Variants in CTNNA1 observed in about 807,000 individuals in gnomAD.
CTNNA1 encodes catenin alpha 1.
Under a neutral mutation model 98.4 loss-of-function variants are expected in CTNNA1, and 37 were observed. The observed-to-expected ratio is 0.38, with a 90% CI of 0.29 to 0.49. The LOEUF is 0.49. CTNNA1 is among the 20% of genes least tolerant of loss of function. CTNNA1 has a pLI of 0.95. For missense variants in CTNNA1, 761 were observed against 1,147.2 expected (o/e 0.66, Z 4.86); for synonymous variants, 404 against 413.2 (o/e 0.98, Z 0.27).
intron 3 of CTNNA1, among the ~76,000 whole-genome samples, chr5:138,788,305 T>G (rs700629): frequency 0.64 from 97,637 of 152,034 alleles, 32,222 homozygotes; most frequent in East Asian, 0.89. Flanking sequence ...GATAATTGAT[T>G]ATTCTCCGAG....
At chr5:138,779,275 C>T (rs1038079707) in intron 1 of CTNNA1, among the ~76,000 whole-genome samples, 1 of 152,112 alleles carries the variant, frequency 6.6e-6, no homozygotes, top group Non-Finnish European at 1.5e-5. Context: ...TAATTCTATT[C>T]TAGATTCATG....
At chr5:138,917,993 G>A in intron 11 of CTNNA1, 95 bp downstream of exon 11, 2 of 1,237,690 alleles carry the variant, frequency 1.6e-6, no homozygotes, top group Non-Finnish European at 2.3e-6. Flanking sequence ...TGTCTTGGCA[G>A]GTAAATTATT....
At chr5:138,863,814 G>A (rs778527191) in intron 7 of CTNNA1, among the ~76,000 whole-genome samples, 3 of 152,168 alleles carry the variant, frequency 2.0e-5, no homozygotes, top group Non-Finnish European at 4.4e-5. Context: ...AAGATGGTTT[G>A]GTAAGCAGGG....
At chr5:138,797,772 T>C (rs929016786) in intron 3 of CTNNA1, among the ~76,000 whole-genome samples, 2 of 152,150 alleles carry the variant, frequency 1.3e-5, no homozygotes, top group African/African-American at 4.8e-5. Context: ...GATGTGACAC[T>C]GTAAATGGGA....
At chr5:138,760,182 CG>C (rs1561494181) in intron 1 of CTNNA1, among the ~76,000 whole-genome samples, 1 of 150,078 alleles carries the variant, frequency 6.7e-6, no homozygotes, top group African/African-American at 2.5e-5. Context: ...TTAGTAGAGA[CG>C]GGGTTTCTCC....
intron 1 of CTNNA1, among the ~76,000 whole-genome samples, chr5:138,777,000 A>AC (rs1211926986): frequency 8.0e-5 from 4 of 50,206 alleles, no homozygotes; most frequent in African/African-American, 2.6e-4. Context: ...GCGGGGGCTG[A>AC]CCCCCCACCT....
At chr5:138,881,658 C>T (rs1752932101) in intron 7 of CTNNA1, among the ~76,000 whole-genome samples, 1 of 152,160 alleles carries the variant, frequency 6.6e-6, no homozygotes, top group African/African-American at 2.4e-5. Flanking sequence ...TTGAAGGTCC[C>T]TACTGTATGG....
intron 3 of CTNNA1, chr5:138,790,869 A>C (rs539515453): frequency 6.6e-6 from 1 of 152,204 alleles, no homozygotes; most frequent in African/African-American, 2.4e-5. Context: ...TTTTGTGACT[A>C]TCGTACCACT....
At chr5:138,805,651 A>G (rs936989148) in intron 3 of CTNNA1, among the ~76,000 whole-genome samples, 15 of 151,958 alleles carry the variant, frequency 9.9e-5, no homozygotes, top group Admixed American at 3.9e-4. Context: ...AGGTCTTGCT[A>G]TGTTGCCCAG....
chr5:138,918,409 T>G (rs1346232965), intron 11 of CTNNA1, among the ~76,000 whole-genome samples: 1 of 152,256 alleles, frequency 6.6e-6, no homozygotes, highest in East Asian at 1.9e-4. Context: ...GCCTCTCTTC[T>G]GTCTCTCAGA....
At chr5:138,849,812 C>G (rs1034722401) in intron 7 of CTNNA1, among the ~76,000 whole-genome samples, 1 of 152,034 alleles carries the variant, frequency 6.6e-6, no homozygotes, top group Non-Finnish European at 1.5e-5. Flanking sequence ...TTTCCTTATA[C>G]CTGATAAAAA....
chr5:138,930,814 T>C lies in CTNNA1; in HGVS notation c.2193-16T>C. 1 of 1,561,046 alleles carries C rather than the reference T, an allele frequency of 6.4e-7. No homozygotes were observed. Among genetic ancestry groups the C allele is most frequent in the South Asian group, 1.1e-5 (1 of 90,148 alleles). ...GCTTCACATACAATAATCCTTGTTC[T>C]CTTCCCTCTTCTCAGAGGTAAAGGA... On this transcript the variant is annotated splice_polypyrimidine_tract_variant and intron_variant, in intron 15 of 17. Coordinates refer to ENST00000302763, the MANE Select transcript of CTNNA1 (RefSeq NM_001903.5).
chr5:138,864,901 G>A (rs556011917), intron 7 of CTNNA1, among the ~76,000 whole-genome samples: 1 of 152,074 alleles, frequency 6.6e-6, no homozygotes, highest in Admixed American at 6.5e-5. Context: ...TACAACCTCC[G>A]CCTTCCAGGT....
intron 10 of CTNNA1, among the ~76,000 whole-genome samples, chr5:138,905,263 CT>C (rs1236692974): frequency 3.3e-5 from 5 of 152,092 alleles, no homozygotes; most frequent in African/African-American, 1.2e-4. Flanking sequence ...GCACTCCAGC[CT>C]TGGTGACAGA....
intron 11 of CTNNA1, among the ~76,000 whole-genome samples, chr5:138,918,195 A>C (rs181436890): frequency 6.7e-6 from 1 of 148,264 alleles, no homozygotes; most frequent in East Asian, 1.9e-4. Flanking sequence ...GCTTGTATAG[A>C]GTGAGGTCTT....
intron 13 of CTNNA1, among the ~76,000 whole-genome samples, chr5:138,925,920 C>G (rs1763915513): frequency 6.6e-6 from 1 of 152,190 alleles, no homozygotes. Context: ...TGGAGGGCCT[C>G]TGTCGCAGGG....
At chr5:138,768,027 C>T (rs1753122758) in intron 1 of CTNNA1, among the ~76,000 whole-genome samples, 1 of 152,200 alleles carries the variant, frequency 6.6e-6, no homozygotes, top group Non-Finnish European at 1.5e-5. Flanking sequence ...TTTTTTTGTG[C>T]AGTCCATATT....
intron 7 of CTNNA1, among the ~76,000 whole-genome samples, chr5:138,864,965 C>A (rs1764611134): frequency 6.6e-6 from 1 of 152,036 alleles, no homozygotes; most frequent in Non-Finnish European, 1.5e-5. Context: ...AGGTGCTCGC[C>A]ACCACACCCG....
chr5:138,776,560 C>T (rs1267448239), intron 1 of CTNNA1, among the ~76,000 whole-genome samples: 2 of 152,208 alleles, frequency 1.3e-5, no homozygotes, highest in Non-Finnish European at 2.9e-5. Context: ...AGCTGCTGGG[C>T]ACACCTCCCA....
Sources: allele counts gnomAD v4.1 joint callset (sites outside exome capture counted in the v4.1 genomes callset), GRCh38; gene constraint gnomAD v4.1.1; transcripts MANE v1.5; gene names NCBI Gene and HGNC (gene_info 2026-07-23, HGNC 2026-07-21).